The following HIVEP3 variants were observed in gnomAD, a reference collection of about 807,000 sequenced individuals.
The protein encoded by HIVEP3 is transcription factor HIVEP3.
In HIVEP3, 49 loss-of-function variants were observed where a neutral mutation model predicts 152.8. The ratio of observed to expected loss-of-function variants is 0.32; its 90% confidence interval spans 0.26 to 0.41. The LOEUF (loss-of-function observed/expected upper bound fraction) is 0.41, where lower values mean the gene tolerates loss of function less well. HIVEP3 is among the 10% of genes least tolerant of loss of function. HIVEP3 has a pLI of 1.00. For missense variants in HIVEP3, 2,790 were observed against 3,103.3 expected (o/e 0.90, Z 2.40); for synonymous variants, 1,269 against 1,289.0 (o/e 0.98, Z 0.33).
chr1:41,841,290 TC>T (rs748222017), intron 1 of HIVEP3, among the ~76,000 whole-genome samples: 3 of 152,090 alleles, frequency 2.0e-5, no homozygotes, highest in Non-Finnish European at 4.4e-5. Flanking sequence ...ATCCAACTCT[TC>T]CAGGATCCCA....
In HIVEP3 at chr1:42,019,143, C is replaced by A. The variant is rs556749771; in HGVS notation, n.119+16664G>T. Among the ~76,000 whole-genome samples the A allele has an allele frequency of 5.9e-5, 9 of 152,124 alleles. No homozygotes were observed. In the South Asian group the frequency reaches 1.9e-3, roughly 32 times the overall value. ...TGCCACATTGACTTAATTACAATAG[C>A]TTTATAATAATTCTAAATATTTGGT... is the stretch of plus-strand genomic sequence containing the variant. On this transcript the variant is annotated intron_variant and non_coding_transcript_variant, in intron 1 of 3. Coordinates refer to the HIVEP3 transcript ENST00000489103.
intron 1 of HIVEP3, among the ~76,000 whole-genome samples, chr1:41,859,504 G>A (rs1643860372): frequency 6.6e-6 from 1 of 152,196 alleles, no homozygotes; most frequent in Non-Finnish European, 1.5e-5. Flanking sequence ...GCAGGAGAAT[G>A]TAAGGGTAGG....
chr1:41,660,126 C>A (rs956443895), intron 2 of HIVEP3, among the ~76,000 whole-genome samples: 1 of 152,018 alleles, frequency 6.6e-6, no homozygotes, highest in Non-Finnish European at 1.5e-5. Flanking sequence ...GGTGTGTGCA[C>A]GTGTAGGAAC....
Position 41,581,772 on chromosome 1 carries a change from C to T in HIVEP3, c.3026G>A (p.Arg1009His), listed in dbSNP as rs1159133283. 9.4e-6 allele frequency: 15 copies of T among 1,592,472 alleles called. No individual in the cohort carries two copies. Among genetic ancestry groups the T allele is most frequent in the South Asian group, 2.3e-5 (2 of 87,382 alleles). ...GCTGCCATAGTCAAAGGATTTGCTG[C>T]GTGTCTCGGTCATGTGGGCAGAATG... ...VSHSAHMTET[R>H]SKSFDYGSLS... The change falls in exon 4 of 9, where the codon CGC (arginine) becomes CAC (histidine). Residue 1009 changes from arginine to histidine, a missense_variant. Arg to His is a conservative substitution (Grantham distance 29, BLOSUM62 0). Around this residue, in one of 9 missense-constraint regions of HIVEP3, gnomAD observed 1,078 missense variants for 1,165.3 expected, o/e 0.93. Coordinates refer to ENST00000372583, the MANE Select transcript of HIVEP3 (RefSeq NM_024503.5). This position sits in a 1 kb window ranked among gnomAD's most constrained non-coding sequence, Gnocchi z 4.5.
intron 1 of HIVEP3, among the ~76,000 whole-genome samples, chr1:41,762,539 C>T (rs2119271): frequency 0.84 from 127,372 of 152,170 alleles, 56,076 homozygotes; most frequent in Non-Finnish European, 0.98. Flanking sequence ...TGGGCATCCC[C>T]GTTTGGGTGC....
At chr1:41,596,325 C>T (rs549557522) in intron 3 of HIVEP3, among the ~76,000 whole-genome samples, 1 of 152,274 alleles carries the variant, frequency 6.6e-6, no homozygotes, top group South Asian at 2.1e-4. Context: ...GGTGACCAGC[C>T]CCTCATACCC....
At chr1:41,893,745 T>C (rs935985860) in intron 1 of HIVEP3, among the ~76,000 whole-genome samples, 21 of 148,124 alleles carry the variant, frequency 1.4e-4, no homozygotes, top group African/African-American at 4.4e-4. Flanking sequence ...TATACATATA[T>C]ATTTATATTC....
chr1:41,738,559 AG>A (rs1646951085), intron 1 of HIVEP3, among the ~76,000 whole-genome samples: 1 of 152,228 alleles, frequency 6.6e-6, no homozygotes, highest in Non-Finnish European at 1.5e-5. Context: ...CAAAGCAGAA[AG>A]ATAGTAGAGT....
At chr1:41,667,064 G>T (rs960976726) in intron 2 of HIVEP3, among the ~76,000 whole-genome samples, 4 of 152,188 alleles carry the variant, frequency 2.6e-5, no homozygotes, top group African/African-American at 9.7e-5. Context: ...GGCCCCCAGG[G>T]AGTGTTGGCG....
rs1224947984 is a variant in HIVEP3, at chr1:41,808,720, T to A, written c.-800-107725A>T. 3.3e-5 allele frequency among the ~76,000 whole-genome samples: 5 copies of A among 152,178 alleles called. No individual in the cohort carries two copies. In the East Asian group the frequency reaches 9.6e-4, roughly 29 times the overall value. On this transcript the variant is annotated intron_variant, in intron 1 of 8. Coordinates refer to ENST00000372583, the MANE Select transcript of HIVEP3 (RefSeq NM_024503.5). ...CAACTTCCTTTATTTATTTTTCAGA[T>A]TTGGGGGTAGAAGTGAAATGGAATT...
intron 1 of HIVEP3, among the ~76,000 whole-genome samples, chr1:41,830,409 C>T (rs978347765): frequency 2.0e-5 from 3 of 152,188 alleles, no homozygotes; most frequent in African/African-American, 7.2e-5. Flanking sequence ...ATCTTTGGTG[C>T]CCTGATGACA....
intron 5 of HIVEP3, among the ~76,000 whole-genome samples, chr1:41,551,240 T>C (rs1185769715): frequency 6.6e-6 from 1 of 152,218 alleles, no homozygotes; most frequent in African/African-American, 2.4e-5. Context: ...TTGATCGTGG[T>C]GGATAAGCTT....
intron 1 of HIVEP3, among the ~76,000 whole-genome samples, chr1:41,906,937 G>A (rs1644722586): frequency 6.7e-6 from 1 of 150,016 alleles, no homozygotes; most frequent in Admixed American, 6.7e-5. Flanking sequence ...CCCCTGAGCT[G>A]CAAGTGTTTC....
chr1:41,734,300 C>G (rs1208907708), intron 1 of HIVEP3, among the ~76,000 whole-genome samples: 1 of 152,222 alleles, frequency 6.6e-6, no homozygotes, highest in African/African-American at 2.4e-5. Context: ...CTCTTTTCAT[C>G]TGAAAAACGG....
intron 2 of HIVEP3, among the ~76,000 whole-genome samples, chr1:41,648,566 A>G (rs1265038445): frequency 6.6e-6 from 1 of 152,252 alleles, no homozygotes; most frequent in Non-Finnish European, 1.5e-5. Flanking sequence ...TGCCTCCTAG[A>G]AAGCCCTGAG....
At chr1:41,527,733 T>C (rs370371941) in intron 5 of HIVEP3, among the ~76,000 whole-genome samples, 1 of 106,070 alleles carries the variant, frequency 9.4e-6, no homozygotes, top group African/African-American at 3.7e-5. Flanking sequence ...CCCTCACACA[T>C]GCACCCTACA....
intron 1 of HIVEP3, among the ~76,000 whole-genome samples, chr1:41,829,062 C>T (rs1642885146): frequency 6.6e-6 from 1 of 152,178 alleles, no homozygotes; most frequent in African/African-American, 2.4e-5. Flanking sequence ...ACCCCTCTCC[C>T]ACCCCACCCC....
In HIVEP3 at chr1:41,544,311, G is replaced by A. The variant is rs191546089; in HGVS notation, c.5208-19401C>T. ...TCATCCTTACTAGAAACCAGTGAGG[G>A]GGGTTATGTCAGTCCTCTTTTTCAA... On this transcript the variant is annotated intron_variant, in intron 5 of 8. Transcript: ENST00000372583. The A allele has an allele frequency of 3.6e-4, 54 of 152,038 alleles. 1 individual carries two copies. Among genetic ancestry groups the A allele is most frequent in the African/African-American group, 1.3e-3 (53 of 41,406 alleles). 9.4% of individuals were successfully genotyped at this position (152,038 alleles called of 1,614,324 possible).
chr1:41,775,502 T>C (rs1158086909), intron 1 of HIVEP3, among the ~76,000 whole-genome samples: 1 of 152,032 alleles, frequency 6.6e-6, no homozygotes, highest in Non-Finnish European at 1.5e-5. Context: ...TGTTTTTTTG[T>C]TTTTTTGAGA....
Sources: gnomAD v4.1 joint callset for allele counts (sites outside exome capture counted in the v4.1 genomes callset) on GRCh38, gnomAD v4.1.1 for gene constraint, gnomAD v4.1.1 regional missense constraint, Gnocchi (gnomAD v3.1) non-coding constraint, MANE v1.5 for transcripts, NCBI Gene and HGNC (gene_info 2026-07-23, HGNC 2026-07-21) for gene names.